The following USP31 variants were observed in gnomAD, a reference collection of about 807,000 sequenced individuals.
USP31 encodes ubiquitin specific peptidase 31.
USP31 carries 44 observed loss-of-function variants against 119.4 expected under a neutral mutation model. The observed-to-expected ratio is 0.37, with a 90% CI of 0.29 to 0.47. The LOEUF is 0.47. Among genes scored for constraint, USP31 ranks in the 20% least tolerant of loss-of-function variants. The pLI, the probability that USP31 is intolerant of heterozygous loss-of-function variation, is 0.99. For missense variants in USP31, 1,643 were observed against 1,730.2 expected, an observed-to-expected ratio of 0.95 and a Z score of 0.89; for synonymous variants, 749 against 705.6, an observed-to-expected ratio of 1.06 and a Z score of -0.97.
At chr16:23,122,101 G>A (rs1359439504) in intron 1 of USP31, among the ~76,000 whole-genome samples, 1 of 152,174 alleles carries the variant, frequency 6.6e-6, no homozygotes, top group Non-Finnish European at 1.5e-5. Flanking sequence ...GGGAAGGCAA[G>A]TAAGTCAATT....
intron 8 of USP31, 87 bp downstream of exon 8, chr16:23,087,637 C>A: frequency 7.9e-7 from 1 of 1,264,856 alleles, no homozygotes; most frequent in African/African-American, 1.5e-5. Flanking sequence ...GAAATCTAAA[C>A]ACAAGAAACT....
intron 1 of USP31, among the ~76,000 whole-genome samples, chr16:23,140,759 C>G (rs1903331586): frequency 6.6e-6 from 1 of 152,120 alleles, no homozygotes; most frequent in Non-Finnish European, 1.5e-5. Context: ...CCTGACTCCC[C>G]CAAAACTCCT....
At chr16:23,092,021 T>C (rs1216413224) in intron 6 of USP31, among the ~76,000 whole-genome samples, 1 of 152,188 alleles carries the variant, frequency 6.6e-6, no homozygotes, top group East Asian at 1.9e-4. Context: ...GATAAGGGGA[T>C]GCCACATTGT....
At position 23,067,242 on chromosome 16, in the gene USP31, G is replaced by C. The variant is rs1900111257; in HGVS notation, c.*804C>G. ...ATTTCAGAAGGAAAAAAAATTAAAC[G>C]AGTGACTGGCTTTCTGGCTATCCAA... is the stretch of plus-strand genomic sequence containing the variant. On this transcript the variant is annotated 3_prime_UTR_variant, in exon 16 of 16. Coordinates refer to ENST00000219689, the MANE Select transcript of USP31 (RefSeq NM_020718.4). 6.6e-6 allele frequency: 1 copy of C among 152,592 alleles called. No individual in the cohort carries two copies. Among genetic ancestry groups the C allele is most frequent in the Non-Finnish European group, 1.5e-5 (1 of 68,042 alleles). 9.5% of individuals were successfully genotyped at this position (152,592 alleles called of 1,614,324 possible). A position where few individuals can be genotyped will look rare whatever the true frequency, so the allele number is the denominator to read the frequency against.
At chr16:23,098,058 G>C (rs1263101978) in intron 6 of USP31, among the ~76,000 whole-genome samples, 1 of 152,192 alleles carries the variant, frequency 6.6e-6, no homozygotes, top group East Asian at 1.9e-4. Flanking sequence ...TGACATGATT[G>C]TATATCTAGA....
chr16:23,080,079 G>T lies in USP31; in HGVS notation c.2043C>A (p.Ser681Arg), dbSNP rs573169387. Residue 681 changes from serine (S) to arginine (R), a missense_variant, in exon 13 of 16, where the codon AGC (serine) becomes AGA (arginine). Ser to Arg is a moderately radical substitution (Grantham distance 110). Transcript: ENST00000219689. ...ACCAATGCGATGGCAAACTCCAGCT[G>T]CTCTGGCTCCTCTTAACCACGTGAG... Reference protein sequence around the residue: ...MTPHVVKRSQSSWSLPSHWSP... With the variant: ...MTPHVVKRSQRSWSLPSHWSP... 5 of 1,613,824 alleles carry T rather than the reference G, an allele frequency of 3.1e-6. No individual in the cohort carries two copies. The East Asian group carries it at 1.1e-4, about 36-fold the overall frequency.
chr16:23,075,069 G>A (rs1900507108), intron 13 of USP31, among the ~76,000 whole-genome samples: 1 of 152,152 alleles, frequency 6.6e-6, no homozygotes, highest in South Asian at 2.1e-4. Context: ...AAGAGACGCG[G>A]GTGAGAAAGG....
chr16:23,064,883 A>G lies in USP31; in HGVS notation c.*3163T>C, dbSNP rs1024207466. The G allele has an allele frequency of 6.6e-6, 1 of 152,198 alleles. No individual in the cohort carries two copies. Among genetic ancestry groups the G allele is most frequent in the African/African-American group, 2.4e-5 (1 of 41,462 alleles). The allele number at this position is 152,198 out of a possible 1,614,324, so 9.4% of individuals were successfully genotyped here. ...GTCAGGCAGCCTCACAGATAATTACAGTATTTTAGCACACCACAAATACTC... is the reference window on the plus strand; with the variant it reads ...GTCAGGCAGCCTCACAGATAATTACGGTATTTTAGCACACCACAAATACTC... On this transcript the variant is annotated 3_prime_UTR_variant, in exon 16 of 16. Coordinates refer to ENST00000219689, the MANE Select transcript of USP31 (RefSeq NM_020718.4).
Position 23,081,409 on chromosome 16 carries a change from C to T in USP31, c.1950+1029G>A, listed in dbSNP as rs184900687. On this transcript the variant is annotated intron_variant, in intron 12 of 15. Transcript: ENST00000219689. ...CAAACCTCTGTGTGAAAGCCCCAGA[C>T]CTGGGGACCATCTGTGTGTTGCCCC... Among the ~76,000 whole-genome samples the T allele has an allele frequency of 3.7e-3, 569 of 152,238 alleles. 6 individuals are homozygous for T. Among genetic ancestry groups the T allele is most frequent in the Non-Finnish European group, 2.4e-3 (166 of 68,010 alleles).
intron 7 of USP31, among the ~76,000 whole-genome samples, chr16:23,088,884 A>G (rs534283022): frequency 6.6e-6 from 1 of 152,358 alleles, no homozygotes; most frequent in Non-Finnish European, 1.5e-5. Context: ...GATCTAACAG[A>G]TTAACTCTGA....
intron 1 of USP31, among the ~76,000 whole-genome samples, chr16:23,110,823 T>A (rs1042252090): frequency 6.6e-6 from 1 of 152,106 alleles, no homozygotes; most frequent in African/African-American, 2.4e-5. Context: ...CCATATTATA[T>A]ATGGGAGTAA....
At position 23,063,151 on chromosome 16, in the gene USP31, G is replaced by A. The variant is rs1177870662; in HGVS notation, c.*4895C>T. On this transcript the variant is annotated 3_prime_UTR_variant, in exon 16 of 16. Transcript: ENST00000219689. Reference sequence around the variant, plus strand: ...TATCTCAGACAAGTCATTCAGAAGAGGCTTAAAAGAATCTTGAGGAAAATA... The same window carrying A: ...TATCTCAGACAAGTCATTCAGAAGAAGCTTAAAAGAATCTTGAGGAAAATA... 6.6e-6 allele frequency: 1 copy of A among 152,172 alleles called. No individual in the cohort carries two copies. The highest frequency in any genetic ancestry group is 6.5e-5 in the Admixed American group (1 of 15,286). 9.4% of individuals were successfully genotyped at this position (152,172 alleles called of 1,614,324 possible).
rs763988820 is a variant in USP31, at chr16:23,085,585, A to C, written c.1700T>G (p.Phe567Cys). ...VVEWDKETRD[F>C]LFVNTEDEYI... ...AAACACTAACTTTAAAAATACTCAC[A>C]AATCTCTTGTCTCCTTGTCCCACTC... The change falls in exon 10 of 16, where the codon TTC (phenylalanine) becomes TGC (cysteine). Residue 567 changes from phenylalanine to cysteine, a missense_variant and splice_region_variant. Phe to Cys is a radical substitution (Grantham distance 205). This residue lies in a region of USP31 where 279 missense variants were observed against 372.2 expected (regional missense o/e 0.75). Transcript: ENST00000219689. The C allele has an allele frequency of 6.2e-7, 1 of 1,612,368 alleles. No individual in the cohort carries two copies.
At chr16:23,091,178 C>T (rs1349663661) in intron 6 of USP31, among the ~76,000 whole-genome samples, 1 of 152,112 alleles carries the variant, frequency 6.6e-6, no homozygotes, top group Non-Finnish European at 1.5e-5. Flanking sequence ...GAATGTTCTT[C>T]AATATTCAAT....
At chr16:23,141,003 TC>T (rs2141903507) in intron 1 of USP31, among the ~76,000 whole-genome samples, 1 of 152,358 alleles carries the variant, frequency 6.6e-6, no homozygotes, top group South Asian at 2.1e-4. Context: ...CTGACTGGTC[TC>T]TGCCTCCATT....
chr16:23,089,527 T>C (rs951426680), intron 7 of USP31, among the ~76,000 whole-genome samples: 1 of 152,176 alleles, frequency 6.6e-6, no homozygotes, highest in Non-Finnish European at 1.5e-5. Context: ...TGTCAATGAA[T>C]AGCATAAATA....
At chr16:23,127,281 G>C (rs1033148550) in intron 1 of USP31, among the ~76,000 whole-genome samples, 4 of 151,956 alleles carry the variant, frequency 2.6e-5, no homozygotes, top group Non-Finnish European at 5.9e-5. Flanking sequence ...TAAAAAACTA[G>C]CTGGGCATGG....
chr16:23,069,558 T>C lies in USP31; in HGVS notation c.2547A>G (p.Arg849=), dbSNP rs747651569. The C allele has an allele frequency of 7.4e-6, 12 of 1,613,962 alleles. No homozygotes were observed. In the Admixed American group the frequency reaches 8.3e-5, roughly 11 times the overall value. ...CGGCCAAGGGGCTGGTGACAGAAGA[T>C]CTGGATGACAAACTCTGACGCTGGA... is the stretch of plus-strand genomic sequence containing the variant. ...RSVQRQSLSS[R]SSVTSPLAVN... Residue 849 remains arginine (R), a synonymous_variant, in exon 16 of 16, where the codon AGA becomes AGG. Transcript: ENST00000219689.
At position 23,069,327 on chromosome 16, in the gene USP31, G is replaced by T; in HGVS notation, c.2778C>A (p.Ser926Arg). Residue 926 changes from serine (S) to arginine (R), a missense_variant, in exon 16 of 16, where the codon AGC becomes AGA. Transcript: ENST00000219689. ...RNLSSSYQEPSDSHSRREHKA... is the reference protein window; with the variant it reads ...RNLSSSYQEPRDSHSRREHKA... The stretch of plus-strand genomic sequence containing the variant: ...TGTGCTCACGGCGACTATGACTGTC[G>T]CTTGGTTCCTGGTAACTGCTAGAAA... 3 of 1,602,934 alleles carry T rather than the reference G, an allele frequency of 1.9e-6. No homozygotes were observed. Among genetic ancestry groups the T allele is most frequent in the Middle Eastern group, 1.7e-4 (1 of 6,006 alleles).
Sources: gnomAD v4.1 joint callset for allele counts (sites outside exome capture counted in the v4.1 genomes callset) on GRCh38, gnomAD v4.1.1 for gene constraint, gnomAD v4.1.1 regional missense constraint, MANE v1.5 for transcripts, NCBI Gene and HGNC (gene_info 2026-07-23, HGNC 2026-07-21) for gene names.